SLC8A1: variants seen among roughly 807,000 people sequenced by gnomAD.
The protein encoded by SLC8A1 is solute carrier family 8 member A1.
In SLC8A1, 18 loss-of-function variants were observed where a neutral mutation model predicts 68.3. The ratio of observed to expected loss-of-function variants is 0.26; its 90% CI spans 0.18 to 0.39. SLC8A1 has a LOEUF of 0.39. Among genes scored for constraint, SLC8A1 ranks in the 10% least tolerant of loss-of-function variants. The pLI is 1.00. For synonymous variants in SLC8A1, 475 were observed against 415.5 expected (o/e 1.14, Z -1.74); for missense variants, 985 against 1,156.7 (o/e 0.85, Z 2.15).
rs116783139 is a variant in SLC8A1 at position 40,248,451 on chromosome 2, C to T, written c.1809-70596G>A. On this transcript the variant is annotated intron_variant, in intron 2 of 7. Transcript: ENST00000406785. Reference sequence around the variant, plus strand: ...ACCATCACACCACCTGCAGGCACAGCGAAAAGATGGCTGTCTATGAATCAG... The same window carrying T: ...ACCATCACACCACCTGCAGGCACAGTGAAAAGATGGCTGTCTATGAATCAG... 2.9e-3 allele frequency among the ~76,000 whole-genome samples: 438 copies of T among 152,194 alleles called. 2 individuals carry two copies. The highest frequency in any genetic ancestry group is 9.5e-3 in the African/African-American group (395 of 41,544).
chr2:40,104,904 C>A (rs908091121), exon 8 of SLC8A1: 1 of 151,604 alleles, frequency 6.6e-6, no homozygotes, highest in Non-Finnish European at 1.5e-5. Context: ...ATTCTTTTTC[C>A]TTAGGTAATT....
intron 2 of SLC8A1, among the ~76,000 whole-genome samples, chr2:40,227,992 T>C (rs1332270243): frequency 6.6e-6 from 1 of 152,186 alleles, no homozygotes; most frequent in Non-Finnish European, 1.5e-5. Flanking sequence ...GATGAATGAA[T>C]ACCCACAAGT....
chr2:40,272,209 C>A (rs2066132775), intron 2 of SLC8A1, among the ~76,000 whole-genome samples: 1 of 152,154 alleles, frequency 6.6e-6, no homozygotes, highest in Admixed American at 6.5e-5. Context: ...CATGTCTCTC[C>A]TTTGTTCTTA....
At chr2:40,484,654 G>C (rs1018523256) in intron 1 of SLC8A1, among the ~76,000 whole-genome samples, 2 of 152,172 alleles carry the variant, frequency 1.3e-5, no homozygotes, top group African/African-American at 4.8e-5. Context: ...AACGTTAAAC[G>C]TGAGGGTTGG....
At chr2:40,176,506 T>G (rs1055606379) in intron 3 of SLC8A1, among the ~76,000 whole-genome samples, 2 of 152,152 alleles carry the variant, frequency 1.3e-5, no homozygotes, top group Non-Finnish European at 2.9e-5. Context: ...CTGTCTACCA[T>G]CTATGGAGCA....
chr2:40,132,429 T>C (rs918046), intron 7 of SLC8A1, among the ~76,000 whole-genome samples: 38,532 of 151,920 alleles, frequency 0.25, 5,453 homozygotes, highest in East Asian at 0.62. Context: ...AGGCATATTG[T>C]ACCCTATACA....
At chr2:40,202,282 C>G (rs2054527659) in intron 2 of SLC8A1, among the ~76,000 whole-genome samples, 1 of 151,972 alleles carries the variant, frequency 6.6e-6, no homozygotes, top group Non-Finnish European at 1.5e-5. Flanking sequence ...ACGTCCAAAT[C>G]TTGCTCAATC....
At chr2:40,123,160 A>G (rs1386610513) in intron 7 of SLC8A1, 2 of 152,228 alleles carry the variant, frequency 1.3e-5, no homozygotes, top group East Asian at 1.9e-4. Flanking sequence ...CCAAGAGAGA[A>G]TCCAAGGGGT....
chr2:40,428,940 C>T (rs748277313), exon 2 of SLC8A1: 1 of 1,613,838 alleles, frequency 6.2e-7, no homozygotes, highest in African/African-American at 1.3e-5. Flanking sequence ...CTGTGCCATC[C>T]TCTGTTCTGA....
chr2:40,229,318 C>G (rs1025382444), intron 2 of SLC8A1, among the ~76,000 whole-genome samples: 1 of 152,070 alleles, frequency 6.6e-6, no homozygotes, highest in East Asian at 1.9e-4. Context: ...GAAAATGCCA[C>G]TGTTCAACAG....
intron 2 of SLC8A1, among the ~76,000 whole-genome samples, chr2:40,221,378 A>G (rs888573621): frequency 6.6e-6 from 1 of 152,324 alleles, no homozygotes; most frequent in East Asian, 1.9e-4. Flanking sequence ...GATAGAACGT[A>G]TTTCAAAATA....
At chr2:40,279,813 A>G (rs1474485237) in intron 2 of SLC8A1, among the ~76,000 whole-genome samples, 1 of 152,206 alleles carries the variant, frequency 6.6e-6, no homozygotes, top group African/African-American at 2.4e-5. Context: ...CGTGCCCCCA[A>G]CATGCACAGT....
intron 2 of SLC8A1, among the ~76,000 whole-genome samples, chr2:40,202,432 G>A (rs1343764499): frequency 6.6e-6 from 1 of 151,846 alleles, no homozygotes; most frequent in Non-Finnish European, 1.5e-5. Flanking sequence ...CTTGTATGGT[G>A]ATTATGTTTC....
At chr2:40,450,930 C>A (rs2149875126) in intron 1 of SLC8A1, among the ~76,000 whole-genome samples, 1 of 151,556 alleles carries the variant, frequency 6.6e-6, no homozygotes. Context: ...ATTGCCAGCC[C>A]AAGCCATTCA....
intron 2 of SLC8A1, among the ~76,000 whole-genome samples, chr2:40,286,655 C>T (rs761298001): frequency 3.9e-5 from 6 of 152,162 alleles, no homozygotes; most frequent in African/African-American, 1.4e-4. Context: ...TGTTTCTGTT[C>T]CACTGATGAC....
chr2:40,421,859 C>A (rs1454666569), intron 2 of SLC8A1, among the ~76,000 whole-genome samples: 1 of 152,142 alleles, frequency 6.6e-6, no homozygotes, highest in Non-Finnish European at 1.5e-5. Context: ...CTTGGCTCAA[C>A]CTTTGGCAAA....
intron 2 of SLC8A1, among the ~76,000 whole-genome samples, chr2:40,226,850 A>C (rs2059042483): frequency 6.6e-6 from 1 of 152,198 alleles, no homozygotes; most frequent in Admixed American, 6.5e-5. Context: ...AATAGAAGGC[A>C]AGTGTAGTAA....
chr2:40,270,397 T>C (rs2065879396), intron 2 of SLC8A1, among the ~76,000 whole-genome samples: 1 of 152,252 alleles, frequency 6.6e-6, no homozygotes, highest in African/African-American at 2.4e-5. Context: ...CAGGTCTTAC[T>C]AGGCTAACAT....
chr2:40,321,293 T>G (rs2075157028), intron 2 of SLC8A1, among the ~76,000 whole-genome samples: 1 of 152,118 alleles, frequency 6.6e-6, no homozygotes. Context: ...GGTGTATGGT[T>G]TGCACAAGTA....
Sources: gnomAD v4.1 joint callset for allele counts (sites outside exome capture counted in the v4.1 genomes callset) on GRCh38, gnomAD v4.1.1 for gene constraint, MANE v1.5 for transcripts, NCBI Gene and HGNC (gene_info 2026-07-23, HGNC 2026-07-21) for gene names.